DIS3L2: variants seen among roughly 807,000 people sequenced by gnomAD.
DIS3L2 encodes DIS3 like 3'-5' exoribonuclease 2.
In DIS3L2, 34 loss-of-function variants were observed where a neutral mutation model predicts 97.5. The ratio of observed to expected loss-of-function variants is 0.35; its 90% CI spans 0.27 to 0.46. DIS3L2 has a LOEUF of 0.46. DIS3L2 is among the 20% of genes least tolerant of loss of function. The pLI is 1.00. For synonymous variants in DIS3L2, 435 were observed against 445.2 expected (o/e 0.98, Z 0.29); for missense variants, 1,038 against 1,146.0 (o/e 0.91, Z 1.36).
intron 5 of DIS3L2, among the ~76,000 whole-genome samples, chr2:232,077,273 T>C (rs1420154061): frequency 7.0e-6 from 1 of 142,920 alleles, no homozygotes; most frequent in Non-Finnish European, 1.5e-5. Flanking sequence ...CACACTGCCA[T>C]ACCACTCTTA....
intron 4 of DIS3L2, among the ~76,000 whole-genome samples, chr2:232,026,645 T>C (rs1318990528): frequency 6.6e-6 from 1 of 152,012 alleles, no homozygotes; most frequent in African/African-American, 2.4e-5. Context: ...GTGAACTCCT[T>C]GTCTGATGGG....
intron 5 of DIS3L2, among the ~76,000 whole-genome samples, chr2:232,058,632 A>C (rs1406717879): frequency 2.0e-5 from 3 of 152,174 alleles, no homozygotes; most frequent in Admixed American, 1.3e-4. Context: ...CTGCGCTTCC[A>C]AATTTTCCCA....
At chr2:232,241,884 A>G (rs1000889537) in intron 11 of DIS3L2, among the ~76,000 whole-genome samples, 1 of 152,260 alleles carries the variant, frequency 6.6e-6, no homozygotes, top group Non-Finnish European at 1.5e-5. Context: ...TTTTCTGCCT[A>G]TTGGCCCAAG....
intron 5 of DIS3L2, among the ~76,000 whole-genome samples, chr2:232,079,557 G>A (rs574665967): frequency 1.1e-3 from 140 of 129,400 alleles, no homozygotes; most frequent in South Asian, 3.0e-3. Context: ...CCGAGATTGC[G>A]CCACTGCACT....
At chr2:232,197,795 C>T (rs1467982822) in intron 9 of DIS3L2, among the ~76,000 whole-genome samples, 1 of 151,626 alleles carries the variant, frequency 6.6e-6, no homozygotes, top group Non-Finnish European at 1.5e-5. Flanking sequence ...GGTGAAACCC[C>T]GTCTCTACAA....
At chr2:232,245,532 A>G (rs1346314481) in intron 11 of DIS3L2, among the ~76,000 whole-genome samples, 1 of 152,270 alleles carries the variant, frequency 6.6e-6, no homozygotes, top group African/African-American at 2.4e-5. Flanking sequence ...TGAAACATAG[A>G]GGAATAACCA....
rs370101007 is a variant in DIS3L2, at chr2:232,300,117, C to T, written c.1737C>T (p.Asn579=). ...GCHIYEYRES[N]KLVEEFMLLA... ...ATATCTATGAGTACCGCGAGAGCAA[C>T]AAGTAAGCCACTCAGTGGGAAAGAG... The change falls in exon 14 of 21, where the codon AAC becomes AAT. Residue 579 remains asparagine, a splice_region_variant and synonymous_variant. Transcript: ENST00000325385. 9.3e-6 allele frequency: 15 copies of T among 1,613,342 alleles called. No individual in the cohort carries two copies. The highest frequency in any genetic ancestry group is 1.0e-5 in the Non-Finnish European group (12 of 1,179,468).
chr2:232,183,114 G>A lies in DIS3L2; in HGVS notation c.1124+19482G>A, dbSNP rs113704706. Among the ~76,000 whole-genome samples the A allele has an allele frequency of 6.9e-3, 1,048 of 152,298 alleles. 5 individuals are homozygous for A. Among genetic ancestry groups the A allele is most frequent in the Non-Finnish European group, 7.6e-3 (515 of 68,024 alleles). On this transcript the variant is annotated intron_variant, in intron 9 of 20. Transcript: ENST00000325385. ...AAAGAAACCTCACCCCTTTCACCAT[G>A]TGAGAACATAGTAAAAAGGTGCCAT...
intron 15 of DIS3L2, 43 bp downstream of exon 15, chr2:232,330,039 A>C: frequency 6.4e-7 from 1 of 1,565,624 alleles, no homozygotes; most frequent in Non-Finnish European, 8.7e-7. Flanking sequence ...GCTTGGGGGA[A>C]AGAAGAGAAA....
chr2:232,039,822 A>G (rs1695059816), intron 5 of DIS3L2, among the ~76,000 whole-genome samples: 1 of 152,326 alleles, frequency 6.6e-6, no homozygotes, highest in East Asian at 1.9e-4. Context: ...TTACAGCTTA[A>G]TATCCTTTTC....
At chr2:232,165,912 C>A (rs1216958827) in intron 9 of DIS3L2, among the ~76,000 whole-genome samples, 3 of 151,830 alleles carry the variant, frequency 2.0e-5, no homozygotes, top group Non-Finnish European at 4.4e-5. Context: ...TTTTTTCTAG[C>A]CTTTTAGCCT....
intron 6 of DIS3L2, among the ~76,000 whole-genome samples, chr2:232,089,738 A>G (rs530885015): frequency 6.6e-6 from 1 of 152,310 alleles, no homozygotes; most frequent in African/African-American, 2.4e-5. Context: ...CTCCAAGTGA[A>G]GGGATAAGAC....
rs756760865 is a variant in DIS3L2, at chr2:232,263,243, T to A, written c.1462T>A (p.Ser488Thr). 6.2e-7 allele frequency: 1 copy of A among 1,614,222 alleles called. No individual in the cohort carries two copies. The change falls in exon 13 of 21, where the codon TCC (serine) becomes ACC (threonine). Residue 488 changes from serine (S) to threonine (T), a missense_variant. Ser to Thr is a moderately conservative substitution (Grantham distance 58). Around this residue, in one of 3 missense-constraint regions of DIS3L2, gnomAD observed 813 missense variants for 880.1 expected, o/e 0.92. Coordinates refer to ENST00000325385, the MANE Select transcript of DIS3L2 (RefSeq NM_152383.5). ...ATGGTTTGGCCGGACCATCATCCGC[T>A]CCTGCACCAAACTTAGCTACGAGCA... is the stretch of plus-strand genomic sequence containing the variant. ...DEWFGRTIIR[S>T]CTKLSYEHAQ...
chr2:231,984,752 T>C (rs745849723), intron 1 of DIS3L2, among the ~76,000 whole-genome samples: 1 of 152,092 alleles, frequency 6.6e-6, no homozygotes, highest in Non-Finnish European at 1.5e-5. Context: ...CCTGAGTAAC[T>C]GGGATTACAT....
intron 14 of DIS3L2, among the ~76,000 whole-genome samples, chr2:232,319,161 CTG>C (rs1294038633): frequency 1.3e-5 from 2 of 152,132 alleles, no homozygotes; most frequent in Non-Finnish European, 2.9e-5. Flanking sequence ...ACACAAGACA[CTG>C]TGGTGGTTGA....
At position 232,292,442 on chromosome 2, in the gene DIS3L2, G is replaced by A. The variant is rs1694627978; in HGVS notation, c.1660-7598G>A. Among the ~76,000 whole-genome samples the A allele has an allele frequency of 6.6e-6, 1 of 152,188 alleles. No individual in the cohort carries two copies. The highest frequency in any genetic ancestry group is 2.4e-5 in the African/African-American group (1 of 41,444). Reference sequence around the variant, plus strand: ...CCCAGAAAGCTCAGACGGGCGGAAGGAGGGCCTCTCAAAGGCCCAACAACC... The same window carrying A: ...CCCAGAAAGCTCAGACGGGCGGAAGAAGGGCCTCTCAAAGGCCCAACAACC... On this transcript the variant is annotated intron_variant, in intron 13 of 20. Transcript: ENST00000325385. The surrounding 1 kb of genome is among the most constrained non-coding windows in gnomAD (Gnocchi z 4.4).
intron 5 of DIS3L2, among the ~76,000 whole-genome samples, chr2:232,076,716 A>G (rs1352931548): frequency 6.6e-6 from 1 of 152,172 alleles, no homozygotes; most frequent in Non-Finnish European, 1.5e-5. Flanking sequence ...CTTAGAATAA[A>G]AAGAAGTTTT....
chr2:232,189,882 G>A (rs548883515), intron 9 of DIS3L2, among the ~76,000 whole-genome samples: 9 of 152,076 alleles, frequency 5.9e-5, no homozygotes, highest in African/African-American at 1.7e-4. Context: ...TACAATTATC[G>A]CAACATAAAA....
At chr2:232,127,315 T>G (rs796250958) in intron 6 of DIS3L2, among the ~76,000 whole-genome samples, 5 of 152,338 alleles carry the variant, frequency 3.3e-5, no homozygotes, top group African/African-American at 1.2e-4. Context: ...CTTCCTCTTG[T>G]CTTTCCTGTG....
Sources: gnomAD v4.1 joint callset for allele counts (sites outside exome capture counted in the v4.1 genomes callset) on GRCh38, gnomAD v4.1.1 for gene constraint, gnomAD v4.1.1 regional missense constraint, Gnocchi (gnomAD v3.1) non-coding constraint, MANE v1.5 for transcripts, NCBI Gene and HGNC (gene_info 2026-07-23, HGNC 2026-07-21) for gene names.